The following ARAP2 variants were observed in gnomAD, a reference collection of about 807,000 sequenced individuals.
The protein encoded by ARAP2 is arf-GAP with Rho-GAP domain, ANK repeat and PH domain-containing protein 2.
In ARAP2, 148 loss-of-function variants were observed where a neutral mutation model predicts 194.5. The observed-to-expected ratio is 0.76, with a 90% CI of 0.67 to 0.87. The LOEUF is 0.87. ARAP2 is among the 40% of genes least tolerant of loss of function. The probability of loss-of-function intolerance (pLI) is 0.00; values close to 1 mark genes in which losing one functional copy is unlikely to be tolerated. For synonymous variants in ARAP2, 695 were observed against 683.5 expected (o/e 1.02, Z -0.26); for missense variants, 2,128 against 1,989.7 (o/e 1.07, Z -1.32).
At chr4:36,080,547 G>A (rs933797950) in intron 30 of ARAP2, among the ~76,000 whole-genome samples, 2 of 152,126 alleles carry the variant, frequency 1.3e-5, no homozygotes, top group East Asian at 1.9e-4. Flanking sequence ...AATATTTTTC[G>A]GAAAGGCAGA....
chr4:36,106,860 A>G (rs2109462237), intron 27 of ARAP2, among the ~76,000 whole-genome samples: 1 of 152,124 alleles, frequency 6.6e-6, no homozygotes, highest in South Asian at 2.1e-4. Flanking sequence ...TATATTAATC[A>G]TAAAAGTAAT....
intron 9 of ARAP2, among the ~76,000 whole-genome samples, chr4:36,172,873 G>A (rs1185273558): frequency 6.6e-6 from 1 of 152,160 alleles, no homozygotes; most frequent in African/African-American, 2.4e-5. Context: ...AAAACCCAGA[G>A]AATTTGAGGC....
At chr4:36,184,467 G>A (rs543665057) in intron 8 of ARAP2, among the ~76,000 whole-genome samples, 7 of 152,156 alleles carry the variant, frequency 4.6e-5, no homozygotes, top group South Asian at 2.1e-4. Flanking sequence ...TTTTAAAAAC[G>A]AAAAATTTAT....
chr4:36,225,485 T>C (rs1750112994), intron 2 of ARAP2, among the ~76,000 whole-genome samples: 2 of 151,888 alleles, frequency 1.3e-5, no homozygotes, highest in African/African-American at 4.8e-5. Flanking sequence ...CAAGTGAAGG[T>C]GATAAGGAAG....
intron 1 of ARAP2, among the ~76,000 whole-genome samples, chr4:36,234,487 A>G (rs1476615219): frequency 6.6e-6 from 1 of 152,190 alleles, no homozygotes; most frequent in African/African-American, 2.4e-5. Context: ...GGTGGGGGAC[A>G]CACACATTCA....
chr4:36,069,003 T>A (rs184255894), intron 32 of ARAP2, among the ~76,000 whole-genome samples: 1 of 146,932 alleles, frequency 6.8e-6, no homozygotes, highest in African/African-American at 2.5e-5. Flanking sequence ...TCACTCCTGC[T>A]TAGATATGTC....
At chr4:36,217,338 C>A (rs1748158681) in intron 2 of ARAP2, among the ~76,000 whole-genome samples, 1 of 152,082 alleles carries the variant, frequency 6.6e-6, no homozygotes, top group Non-Finnish European at 1.5e-5. Context: ...ATGGAGAAAC[C>A]CCATATCTAC....
chr4:36,065,016 G>A, downstream of ARAP2: 1 of 171,872 alleles, frequency 5.8e-6, no homozygotes, highest in Non-Finnish European at 1.3e-5. Context: ...GAGGGAGAAG[G>A]CAGAGGTCCT....
rs202134005 is a variant in ARAP2 at position 36,068,226 on chromosome 4, T to A, written c.4796A>T (p.Glu1599Val). ...CTCCTTTAAGCTAGAGTCCACGGAC[T>A]CTTTATCACACTTTTCACTGAGCCG... is the stretch of plus-strand genomic sequence containing the variant. The part of the protein sequence containing the change: ...RLRLSEKCDK[E>V]SVDSSLKERA... Residue 1599 changes from glutamate (E) to valine (V), a missense_variant, in exon 33 of 33, where the codon GAG becomes GTG. Transcript: ENST00000303965. 6.2e-7 allele frequency: 1 copy of A among 1,601,580 alleles called. No individual in the cohort carries two copies. Among genetic ancestry groups the A allele is most frequent in the Admixed American group, 1.7e-5 (1 of 57,346 alleles).
intron 2 of ARAP2, among the ~76,000 whole-genome samples, chr4:36,053,865 T>TA (rs757568861): frequency 4.6e-5 from 7 of 152,322 alleles, no homozygotes; most frequent in Non-Finnish European, 1.0e-4. Context: ...TTGATTATCT[T>TA]ACAAATTTAG....
intron 2 of ARAP2, among the ~76,000 whole-genome samples, chr4:36,226,551 C>A (rs151261438): frequency 6.6e-6 from 1 of 151,524 alleles, no homozygotes; most frequent in Non-Finnish European, 1.5e-5. Flanking sequence ...CAACTTACTG[C>A]TCTTTTTGCA....
intron 6 of ARAP2, among the ~76,000 whole-genome samples, chr4:36,194,463 A>T (rs1022154598): frequency 6.6e-6 from 1 of 152,194 alleles, no homozygotes; most frequent in Admixed American, 6.5e-5. Context: ...TTTTTAAAAA[A>T]TTTAAAAAAT....
At chr4:36,211,734 C>T (rs1410895985) in intron 5 of ARAP2, among the ~76,000 whole-genome samples, 1 of 152,048 alleles carries the variant, frequency 6.6e-6, no homozygotes, top group Non-Finnish European at 1.5e-5. Context: ...AAGAGGAATG[C>T]TTTGGGGGAT....
intron 19 of ARAP2, among the ~76,000 whole-genome samples, chr4:36,139,011 T>G (rs1727544022): frequency 6.6e-6 from 1 of 151,742 alleles, no homozygotes; most frequent in Admixed American, 6.6e-5. Context: ...TTTTATTGGG[T>G]TTTTGTCTTC....
downstream of ARAP2, among the ~76,000 whole-genome samples, chr4:36,061,715 T>C (rs1475074175): frequency 6.6e-6 from 1 of 152,212 alleles, no homozygotes; most frequent in East Asian, 1.9e-4. Flanking sequence ...GTAGTTCTAC[T>C]TTTAGTTTCT....
chr4:36,121,770 T>G (rs1222628789), intron 22 of ARAP2, among the ~76,000 whole-genome samples: 2 of 151,696 alleles, frequency 1.3e-5, no homozygotes, highest in Non-Finnish European at 2.9e-5. Flanking sequence ...AAATTCCAGG[T>G]GCCAAGCTGG....
chr4:36,181,181 C>G (rs1327142800), intron 8 of ARAP2, among the ~76,000 whole-genome samples: 1 of 152,138 alleles, frequency 6.6e-6, no homozygotes, highest in African/African-American at 2.4e-5. Context: ...TGCTAAGCAC[C>G]AATCCTCCTG....
chr4:36,114,083 G>C (rs1317047422), intron 26 of ARAP2, 87 bp downstream of exon 26: 2 of 941,474 alleles, frequency 2.1e-6, no homozygotes, highest in Non-Finnish European at 3.3e-6. Flanking sequence ...AAGATGTTAA[G>C]ACATAAAATG....
intron 11 of ARAP2, among the ~76,000 whole-genome samples, chr4:36,163,897 A>G (rs1734673838): frequency 6.6e-6 from 1 of 152,190 alleles, no homozygotes; most frequent in South Asian, 2.1e-4. Flanking sequence ...GATTGATATT[A>G]TTAATTAGCT....
Sources: gnomAD v4.1 joint callset for allele counts (sites outside exome capture counted in the v4.1 genomes callset) on GRCh38, gnomAD v4.1.1 for gene constraint, MANE v1.5 for transcripts, NCBI Gene and HGNC (gene_info 2026-07-23, HGNC 2026-07-21) for gene names.